ARHGEF3: variants seen among roughly 807,000 people sequenced by gnomAD.
ARHGEF3 encodes the protein Rho guanine nucleotide exchange factor 3.
Under a neutral mutation model 63.2 loss-of-function variants are expected in ARHGEF3, and 28 were observed. That is an observed-to-expected ratio of 0.44 (90% confidence interval 0.33 to 0.61). The LOEUF is 0.61. Among genes scored for constraint, ARHGEF3 ranks in the 20% least tolerant of loss-of-function variants. The probability of loss-of-function intolerance (pLI) is 0.03; values close to 1 mark genes in which losing one functional copy is unlikely to be tolerated. For synonymous variants in ARHGEF3, 266 were observed against 254.2 expected, an observed-to-expected ratio of 1.05 and a Z score of -0.44; for missense variants, 533 against 659.3, an observed-to-expected ratio of 0.81 and a Z score of 2.10.
intron 4 of ARHGEF3, among the ~76,000 whole-genome samples, chr3:56,850,295 A>C (rs925671639): frequency 1.1e-4 from 16 of 152,230 alleles, no homozygotes; most frequent in Non-Finnish European, 2.4e-4. Context: ...TTGGGAGGCC[A>C]AGGCAGGGGG....
chr3:56,755,728 TATTCCTTTGGG>T (rs2035033255), intron 2 of ARHGEF3, among the ~76,000 whole-genome samples: 2 of 151,966 alleles, frequency 1.3e-5, no homozygotes, highest in Admixed American at 1.3e-4. Flanking sequence ...GAGGAAAGAG[TATTCCTTTGGG>T]ATTGTGAGTT....
At chr3:56,786,451 G>T (rs2036821625) in intron 1 of ARHGEF3, among the ~76,000 whole-genome samples, 1 of 152,204 alleles carries the variant, frequency 6.6e-6, no homozygotes, top group Non-Finnish European at 1.5e-5. Flanking sequence ...TATTCTTTGG[G>T]AGGGGTGTAT....
intron 3 of ARHGEF3, among the ~76,000 whole-genome samples, chr3:56,956,721 C>G (rs1394048904): frequency 6.6e-6 from 1 of 152,106 alleles, no homozygotes; most frequent in Non-Finnish European, 1.5e-5. Context: ...CAAGCCTTGG[C>G]TAATGACCAT....
At chr3:56,827,684 G>A (rs2038772657) in intron 4 of ARHGEF3, among the ~76,000 whole-genome samples, 1 of 141,610 alleles carries the variant, frequency 7.1e-6, no homozygotes, top group Admixed American at 7.6e-5. Context: ...GGAGGCCAAG[G>A]TGAGCAAATT....
rs1024519856 is a variant in ARHGEF3 at position 56,743,507 on chromosome 3, C to A, written c.870+1698G>T. Among the ~76,000 whole-genome samples, 5 of 152,170 alleles carry A rather than the reference C, an allele frequency of 3.3e-5. No individual in the cohort carries two copies. In the East Asian group the frequency reaches 9.6e-4, roughly 29 times the overall value. ...GGCAAGCTATTTAACCCCTCTAAGC[C>A]TCATCTGGAAAATGGTCCTAATAAG... On this transcript the variant is annotated intron_variant, in intron 7 of 9. Transcript: ENST00000296315.
intron 4 of ARHGEF3, among the ~76,000 whole-genome samples, chr3:56,828,036 G>A: frequency 6.7e-6 from 1 of 148,358 alleles, no homozygotes. Flanking sequence ...AAGTACACCA[G>A]GAAAAAAAAA....
chr3:56,801,723 C>A lies in ARHGEF3; in HGVS notation c.76G>T (p.Gly26Cys), dbSNP rs574725560. Residue 26 changes from glycine to cysteine, a missense_variant, in exon 1 of 10, where the codon GGT (glycine) becomes TGT (cysteine). By Grantham distance (159) the Gly-to-Cys change is radical. Coordinates refer to ENST00000296315, the MANE Select transcript of ARHGEF3 (RefSeq NM_019555.3). Reference sequence around the variant, plus strand: ...CCTACCTCAGCGTCCTTGGCCGGACCGCTGGCCGGGGGTAGCTCCAGGCTG... The same window carrying A: ...CCTACCTCAGCGTCCTTGGCCGGACAGCTGGCCGGGGGTAGCTCCAGGCTG... The part of the protein sequence containing the change: ...NCSLELPPAS[G>C]PAKDAEEPSN... 6.4e-7 allele frequency: 1 copy of A among 1,563,592 alleles called. No homozygotes were observed. Among genetic ancestry groups the A allele is most frequent in the Non-Finnish European group, 8.7e-7 (1 of 1,152,780 alleles).
At chr3:56,923,121 G>A (rs1192351119) in intron 3 of ARHGEF3, among the ~76,000 whole-genome samples, 2 of 145,834 alleles carry the variant, frequency 1.4e-5, no homozygotes, top group African/African-American at 2.6e-5. Context: ...CCAGCTACTC[G>A]GGAAGCTGGG....
intron 2 of ARHGEF3, among the ~76,000 whole-genome samples, chr3:56,768,576 T>TC (rs1463599910): frequency 1.5e-5 from 2 of 137,288 alleles, no homozygotes; most frequent in African/African-American, 2.8e-5. Context: ...GACATAATAC[T>TC]CCCCCCTAAG....
At chr3:56,918,390 A>G (rs1354419754) in intron 3 of ARHGEF3, among the ~76,000 whole-genome samples, 1 of 152,250 alleles carries the variant, frequency 6.6e-6, no homozygotes, top group Non-Finnish European at 1.5e-5. Context: ...ATTCACATGA[A>G]CAAATCCTAG....
chr3:57,072,207 T>C (rs553887613), intron 1 of ARHGEF3, among the ~76,000 whole-genome samples: 70 of 152,308 alleles, frequency 4.6e-4, no homozygotes, highest in Middle Eastern at 3.4e-3. Flanking sequence ...GGAAACAGTT[T>C]GGCAGTTCCT....
intron 1 of ARHGEF3, among the ~76,000 whole-genome samples, chr3:56,791,689 G>A (rs753912318): frequency 1.3e-5 from 2 of 152,150 alleles, no homozygotes; most frequent in African/African-American, 2.4e-5. Flanking sequence ...ATTGTGGCAC[G>A]CCAAGAGGTC....
chr3:57,021,204 A>G (rs559349638), intron 2 of ARHGEF3, among the ~76,000 whole-genome samples: 1 of 152,384 alleles, frequency 6.6e-6, no homozygotes, highest in African/African-American at 2.4e-5. Flanking sequence ...GAAATCTATC[A>G]ATATAATTCA....
intron 2 of ARHGEF3, among the ~76,000 whole-genome samples, chr3:56,997,064 C>T (rs1435096451): frequency 1.3e-5 from 2 of 151,954 alleles, no homozygotes; most frequent in African/African-American, 4.8e-5. Flanking sequence ...TACCCCTCAA[C>T]TCATTTCCTG....
At chr3:57,011,484 A>G (rs1379667347) in intron 2 of ARHGEF3, among the ~76,000 whole-genome samples, 1 of 152,090 alleles carries the variant, frequency 6.6e-6, no homozygotes, top group East Asian at 1.9e-4. Context: ...GAGTGGGGTG[A>G]GGTGGGTGCT....
At chr3:56,906,054 C>A (rs952127828) in intron 3 of ARHGEF3, among the ~76,000 whole-genome samples, 2 of 151,926 alleles carry the variant, frequency 1.3e-5, no homozygotes, top group Non-Finnish European at 2.9e-5. Flanking sequence ...TAGTAGAGAT[C>A]GGGTTTCATC....
At chr3:57,067,411 C>A (rs920176271) in intron 1 of ARHGEF3, among the ~76,000 whole-genome samples, 2 of 150,510 alleles carry the variant, frequency 1.3e-5, no homozygotes, top group African/African-American at 2.4e-5. Flanking sequence ...GCCAAGATTG[C>A]GCCACTGCAC....
intron 2 of ARHGEF3, among the ~76,000 whole-genome samples, chr3:57,009,225 C>T (rs1006963064): frequency 7.2e-5 from 11 of 152,270 alleles, no homozygotes; most frequent in South Asian, 6.2e-4. Flanking sequence ...TTCAGCTGAA[C>T]GCTCAAGAAT....
intron 2 of ARHGEF3, among the ~76,000 whole-genome samples, chr3:56,970,833 G>C (rs1447519204): frequency 1.3e-5 from 2 of 152,256 alleles, no homozygotes; most frequent in Non-Finnish European, 2.9e-5. Flanking sequence ...AGAAGCTGGA[G>C]CCGGCTCTGC....
Sources: gnomAD v4.1 joint callset for allele counts (sites outside exome capture counted in the v4.1 genomes callset) on GRCh38, gnomAD v4.1.1 for gene constraint, MANE v1.5 for transcripts, NCBI Gene and HGNC (gene_info 2026-07-23, HGNC 2026-07-21) for gene names.